GPHN: variants seen among roughly 807,000 people sequenced by gnomAD.
GPHN encodes the protein gephyrin.
GPHN carries 17 observed loss-of-function variants against 95.5 expected under a neutral mutation model. The ratio of observed to expected loss-of-function variants is 0.18; its 90% CI spans 0.12 to 0.27. The LOEUF is 0.27. Among genes scored for constraint, GPHN ranks in the 10% least tolerant of loss-of-function variants. GPHN has a pLI of 1.00. For synonymous variants in GPHN, 320 were observed against 322.5 expected (o/e 0.99, Z 0.08); for missense variants, 660 against 978.1 (o/e 0.67, Z 4.34).
At chr14:67,387,301 G>C in the GPHN span, 1 of 1,594,574 alleles carries the variant, frequency 6.3e-7, no homozygotes. Context: ...TGGTAGGAGG[G>C]AGGAATCCTG....
intron 4 of GPHN, among the ~76,000 whole-genome samples, chr14:66,875,858 A>G (rs1043980223): frequency 3.3e-5 from 5 of 152,168 alleles, no homozygotes; most frequent in Non-Finnish European, 7.3e-5. Context: ...ACAGAAAATT[A>G]ACAAGGATAT....
chr14:67,649,723 A>G, the GPHN span: 3 of 152,188 alleles, frequency 2.0e-5, no homozygotes, highest in Non-Finnish European at 4.4e-5. Context: ...AACGGACATG[A>G]TGGCATTCAG....
chr14:67,207,436 G>T, the GPHN span, among the ~76,000 whole-genome samples: 1 of 151,618 alleles, frequency 6.6e-6, no homozygotes, highest in Non-Finnish European at 1.5e-5. Context: ...ACAGCACCAA[G>T]CCATTCATGA....
At chr14:66,965,749 C>G (rs1380481319) in intron 9 of GPHN, among the ~76,000 whole-genome samples, 3 of 152,140 alleles carry the variant, frequency 2.0e-5, no homozygotes, top group South Asian at 2.1e-4. Flanking sequence ...GCTCCCTGCT[C>G]TAGTATCATT....
intron 1 of GPHN, among the ~76,000 whole-genome samples, chr14:66,523,307 A>T (rs1342932300): frequency 6.6e-6 from 1 of 152,106 alleles, no homozygotes; most frequent in African/African-American, 2.4e-5. Context: ...ACTTAAGTGT[A>T]ATGACAGATT....
chr14:67,160,203 T>G (rs973113241), intron 19 of GPHN, among the ~76,000 whole-genome samples: 5 of 152,324 alleles, frequency 3.3e-5, no homozygotes, highest in African/African-American at 1.2e-4. Flanking sequence ...TGCCATTGAC[T>G]TGCTAGAGAA....
chr14:67,521,201 C>T, the GPHN span, among the ~76,000 whole-genome samples: 1 of 152,148 alleles, frequency 6.6e-6, no homozygotes, highest in African/African-American at 2.4e-5. Context: ...TCATTATCAC[C>T]CAAAGTCCAT....
At chr14:67,473,406 C>G in the GPHN span, 5 of 1,610,700 alleles carry the variant, frequency 3.1e-6, no homozygotes, top group Middle Eastern at 1.7e-4. The surrounding 1 kb of genome is among the most constrained non-coding windows in gnomAD (Gnocchi z 6.5). Context: ...CCAGGCCCCC[C>G]ACCCGCTTCC....
chr14:67,117,642 T>A (rs948103526), intron 16 of GPHN, among the ~76,000 whole-genome samples: 1 of 152,178 alleles, frequency 6.6e-6, no homozygotes, highest in East Asian at 1.9e-4. Context: ...AGAAAAGTTC[T>A]TATAGGCACA....
chr14:66,728,065 G>A (rs1790492473), intron 2 of GPHN, among the ~76,000 whole-genome samples: 1 of 152,102 alleles, frequency 6.6e-6, no homozygotes, highest in Non-Finnish European at 1.5e-5. Flanking sequence ...TGGCTAACAG[G>A]GGCCAAGGTA....
chr14:67,700,751 A>G, the GPHN span, among the ~76,000 whole-genome samples: 1 of 148,562 alleles, frequency 6.7e-6, no homozygotes, highest in African/African-American at 2.5e-5. Context: ...TTGGCTGGGC[A>G]TGGTGACTCA....
At chr14:67,303,452 T>A in the GPHN span, 3 of 1,235,856 alleles carry the variant, frequency 2.4e-6, no homozygotes, top group Non-Finnish European at 3.6e-6. Context: ...TTAGGGAATA[T>A]AGATCATAAA....
the GPHN span, among the ~76,000 whole-genome samples, chr14:67,429,121 C>G: frequency 6.6e-6 from 1 of 152,092 alleles, no homozygotes; most frequent in African/African-American, 2.4e-5. Flanking sequence ...TGGGCTGAAG[C>G]CATGACTAAA....
the GPHN span, among the ~76,000 whole-genome samples, chr14:67,331,677 G>C: frequency 0.16 from 23,563 of 151,960 alleles, 3,455 homozygotes; most frequent in East Asian, 0.42. Context: ...AGCCATTTTG[G>C]CACAAAATGG....
chr14:66,597,813 CACT>C (rs1252289790), intron 1 of GPHN, among the ~76,000 whole-genome samples: 1 of 152,172 alleles, frequency 6.6e-6, no homozygotes, highest in African/African-American at 2.4e-5. Context: ...CCAGATGCCC[CACT>C]ACTACCATCA....
chr14:66,720,902 G>A (rs1421445315), intron 2 of GPHN, among the ~76,000 whole-genome samples: 4 of 151,942 alleles, frequency 2.6e-5, no homozygotes, highest in African/African-American at 7.3e-5. Flanking sequence ...ACCACATTGC[G>A]GTAAACTATA....
intron 4 of GPHN, among the ~76,000 whole-genome samples, chr14:66,847,214 A>G (rs932642212): frequency 3.3e-5 from 5 of 152,162 alleles, no homozygotes; most frequent in East Asian, 3.9e-4. Context: ...ATGTTGAGAA[A>G]AGCACAACAA....
chr14:66,612,224 C>G (rs1001753741), intron 1 of GPHN, among the ~76,000 whole-genome samples: 2 of 151,658 alleles, frequency 1.3e-5, no homozygotes, highest in African/African-American at 4.8e-5. Flanking sequence ...ACTTGTTTTT[C>G]TTTGCTTTTA....
the GPHN span, chr14:67,363,930 C>CT: frequency 6.6e-6 from 1 of 152,290 alleles, no homozygotes; most frequent in Admixed American, 6.5e-5. Flanking sequence ...AAATATGCTT[C>CT]TACCCAGGCT....
Sources: allele counts gnomAD v4.1 joint callset (sites outside exome capture counted in the v4.1 genomes callset), GRCh38; gene constraint gnomAD v4.1.1; non-coding constraint Gnocchi (gnomAD v3.1); transcripts MANE v1.5; gene names NCBI Gene and HGNC (gene_info 2026-07-23, HGNC 2026-07-21).